The following PPFIA2 variants were observed in gnomAD, a reference collection of about 807,000 sequenced individuals.
PPFIA2 encodes the protein PPFI scaffold protein A2, also known as liprin-alpha-2.
PPFIA2 carries 46 observed loss-of-function variants against 175.5 expected under a neutral mutation model. The ratio of observed to expected loss-of-function variants is 0.26; its 90% CI spans 0.21 to 0.34. The LOEUF (loss-of-function observed/expected upper bound fraction) is 0.34. Ranked by LOEUF, PPFIA2 falls within the 10% of genes least tolerant of loss-of-function variation. The pLI, the probability that PPFIA2 is intolerant of heterozygous loss-of-function variation, is 1.00. For missense variants in PPFIA2, 1,179 were observed against 1,506.1 expected (o/e 0.78, Z 3.60); for synonymous variants, 568 against 511.4 (o/e 1.11, Z -1.49).
At chr12:81,266,071 G>A (rs766751366) in intron 30 of PPFIA2, among the ~76,000 whole-genome samples, 63 of 152,210 alleles carry the variant, frequency 4.1e-4, no homozygotes, top group Admixed American at 1.8e-3. Context: ...AGGACAGAGT[G>A]GATTTTATAA....
intron 4 of PPFIA2, among the ~76,000 whole-genome samples, chr12:81,653,582 C>A (rs190909697): frequency 1.3e-5 from 2 of 152,192 alleles, no homozygotes; most frequent in Admixed American, 1.3e-4. Context: ...TGGCATTCTC[C>A]TGCACCAGTC....
intron 4 of PPFIA2, among the ~76,000 whole-genome samples, chr12:81,468,790 G>T (rs1439652511): frequency 6.6e-6 from 1 of 151,934 alleles, no homozygotes; most frequent in Non-Finnish European, 1.5e-5. Flanking sequence ...CTGCCTTGAA[G>T]AATTTAACTG....
chr12:81,281,744 C>T (rs2042134458), intron 26 of PPFIA2, among the ~76,000 whole-genome samples: 1 of 152,006 alleles, frequency 6.6e-6, no homozygotes, highest in African/African-American at 2.4e-5. Context: ...AAACTCTGAG[C>T]TTTAAGATTC....
At chr12:81,612,370 T>G (rs1278429858) in intron 4 of PPFIA2, among the ~76,000 whole-genome samples, 1 of 152,168 alleles carries the variant, frequency 6.6e-6, no homozygotes, top group African/African-American at 2.4e-5. Flanking sequence ...CAGCTACAGT[T>G]AGAGCAGAAA....
intron 4 of PPFIA2, among the ~76,000 whole-genome samples, chr12:81,531,783 T>C: frequency 6.6e-6 from 1 of 151,648 alleles, no homozygotes; most frequent in Non-Finnish European, 1.5e-5. Context: ...ACAGGTAAGG[T>C]ACCCTTGACT....
rs980027167 is a variant in PPFIA2, at chr12:81,325,970, C to T, written c.2549-100G>A. 6.2e-6 allele frequency: 5 copies of T among 803,804 alleles called. 1 individual carries two copies. Among genetic ancestry groups the T allele is most frequent in the Middle Eastern group, 4.6e-4 (2 of 4,336 alleles). 49.8% of individuals were successfully genotyped at this position (803,804 alleles called of 1,614,324 possible). ...GTTTAGTTGAGCAACTGTTTAGTATCACATTTAAAAATTTTCCTTATATTA... is the reference window on the plus strand; with the variant it reads ...GTTTAGTTGAGCAACTGTTTAGTATTACATTTAAAAATTTTCCTTATATTA... On this transcript the variant is annotated intron_variant, in intron 21 of 32. Transcript: ENST00000549396.
At chr12:81,560,233 G>A (rs1400527616) in intron 4 of PPFIA2, among the ~76,000 whole-genome samples, 2 of 151,498 alleles carry the variant, frequency 1.3e-5, no homozygotes, top group Non-Finnish European at 3.0e-5. Context: ...GAATTGTGGT[G>A]GGGGGTATGT....
At chr12:81,339,680 CAG>C (rs2057732202) in intron 20 of PPFIA2, among the ~76,000 whole-genome samples, 1 of 151,968 alleles carries the variant, frequency 6.6e-6, no homozygotes, top group South Asian at 2.1e-4. Context: ...ATTTATTTCT[CAG>C]AGTCTGTTTT....
intron 22 of PPFIA2, among the ~76,000 whole-genome samples, chr12:81,308,131 G>T (rs577250655): frequency 6.6e-6 from 1 of 152,164 alleles, no homozygotes; most frequent in South Asian, 2.1e-4. Flanking sequence ...ATTTAATACA[G>T]TAAGTGCTAT....
intron 30 of PPFIA2, 86 bp from the exon 31 acceptor site, chr12:81,263,476 T>C (rs1438728733): frequency 2.4e-5 from 28 of 1,188,300 alleles, no homozygotes; most frequent in Non-Finnish European, 3.1e-5. Context: ...ACATGTAACA[T>C]AGATTATTTA....
chr12:81,592,920 T>G (rs2058836040), intron 4 of PPFIA2, among the ~76,000 whole-genome samples: 1 of 152,006 alleles, frequency 6.6e-6, no homozygotes, highest in Admixed American at 6.6e-5. Flanking sequence ...CATGCCCAGC[T>G]AATTTTTTTG....
In PPFIA2 at chr12:81,734,181, T is replaced by TG. The variant is rs1394616557; in HGVS notation, c.249+19791dup. Among the ~76,000 whole-genome samples, 7 of 151,762 alleles carry TG rather than the reference T, an allele frequency of 4.6e-5. 1 individual carries two copies. The highest frequency in any genetic ancestry group is 1.0e-4 in the Non-Finnish European group (7 of 67,834). Reference sequence around the variant, plus strand: ...TGATAGGTGCTGTGGAGCTCACAGTTGGAGTTTGTCTCTAACCCCAGGTGA... The same window carrying TG: ...TGATAGGTGCTGTGGAGCTCACAGTTGGGAGTTTGTCTCTAACCCCAGGTGA... On this transcript the variant is annotated intron_variant, in intron 3 of 32. Coordinates refer to ENST00000549396, the MANE Select transcript of PPFIA2 (RefSeq NM_003625.5).
chr12:81,579,841 A>C (rs943406022), intron 4 of PPFIA2, among the ~76,000 whole-genome samples: 2 of 151,790 alleles, frequency 1.3e-5, no homozygotes, highest in Non-Finnish European at 2.9e-5. Flanking sequence ...CATAGGCATC[A>C]CCTCAGATTC....
intron 19 of PPFIA2, 50 bp downstream of exon 19, chr12:81,344,614 A>T: frequency 7.6e-7 from 1 of 1,307,448 alleles, no homozygotes; most frequent in Non-Finnish European, 1.1e-6. Flanking sequence ...AAGCTTTCAT[A>T]GAATAAAACA....
In PPFIA2 at chr12:81,292,168, CATA is replaced by C. The variant is rs372381286; in HGVS notation, c.2925+2664_2925+2666del. The stretch of plus-strand genomic sequence containing the variant: ...ACTTCAAATTTATTTTTGCAAGATT[CATA>C]ATGTTTAATAATTTTGTTTGCATTT... On this transcript the variant is annotated intron_variant, in intron 24 of 32. Coordinates refer to ENST00000549396, the MANE Select transcript of PPFIA2 (RefSeq NM_003625.5). Among the ~76,000 whole-genome samples, 402 of 152,134 alleles carry C rather than the reference CATA, an allele frequency of 2.6e-3. 2 individuals are homozygous for C. The highest frequency in any genetic ancestry group is 9.4e-3 in the African/African-American group (391 of 41,530).
chr12:81,621,895 T>G (rs1304629806), intron 4 of PPFIA2, among the ~76,000 whole-genome samples: 1 of 152,164 alleles, frequency 6.6e-6, no homozygotes, highest in Non-Finnish European at 1.5e-5. Flanking sequence ...GAGTACTGGC[T>G]ATAGATATAA....
chr12:81,585,026 T>TTATA (rs1782691627), intron 4 of PPFIA2, among the ~76,000 whole-genome samples: 3 of 96,538 alleles, frequency 3.1e-5, no homozygotes, highest in East Asian at 5.4e-4. Context: ...ATATAATATA[T>TTATA]TAATTATATT....
chr12:81,318,115 A>G (rs2139457437), intron 22 of PPFIA2, among the ~76,000 whole-genome samples: 1 of 151,800 alleles, frequency 6.6e-6, no homozygotes. Flanking sequence ...TTGGTTGTTC[A>G]TTCTGTTGGC....
At chr12:81,709,604 G>T (rs949287635) in intron 3 of PPFIA2, among the ~76,000 whole-genome samples, 4 of 151,414 alleles carry the variant, frequency 2.6e-5, no homozygotes, top group African/African-American at 9.7e-5. Flanking sequence ...TTTGCTATTT[G>T]CTAGCAAGGT....
Sources: allele counts gnomAD v4.1 joint callset (sites outside exome capture counted in the v4.1 genomes callset), GRCh38; gene constraint gnomAD v4.1.1; transcripts MANE v1.5; gene names NCBI Gene and HGNC (gene_info 2026-07-23, HGNC 2026-07-21).